Variants in CEMIP observed in about 807,000 individuals in gnomAD.
CEMIP encodes the protein cell migration inducing hyaluronidase 1.
In CEMIP, 105 loss-of-function variants were observed where a neutral mutation model predicts 156.9. The observed-to-expected ratio is 0.67, with a 90% CI of 0.57 to 0.79. The LOEUF (loss-of-function observed/expected upper bound fraction) is 0.79. Among genes scored for constraint, CEMIP ranks in the 30% least tolerant of loss-of-function variants. CEMIP has a pLI of 0.00. For synonymous variants in CEMIP, 676 were observed against 668.4 expected, an observed-to-expected ratio of 1.01 and a Z score of -0.17; for missense variants, 1,457 against 1,769.4, an observed-to-expected ratio of 0.82 and a Z score of 3.17.
chr15:80,873,221 AAGG>A (rs989969476), intron 1 of CEMIP, among the ~76,000 whole-genome samples: 1 of 152,216 alleles, frequency 6.6e-6, no homozygotes, highest in Non-Finnish European at 1.5e-5. Flanking sequence ...GTTACCGAGG[AAGG>A]AGAAGAAAAT....
At chr15:80,810,414 C>T (rs555016792) in intron 1 of CEMIP, among the ~76,000 whole-genome samples, 2 of 152,332 alleles carry the variant, frequency 1.3e-5, no homozygotes, top group South Asian at 2.1e-4. Context: ...GTCACCCAGG[C>T]TGGAGTGCAG....
At chr15:80,784,119 GA>G (rs1895866549) in intron 1 of CEMIP, among the ~76,000 whole-genome samples, 1 of 152,100 alleles carries the variant, frequency 6.6e-6, no homozygotes, top group Non-Finnish European at 1.5e-5. Flanking sequence ...GGATATCTTT[GA>G]GTCTTCTGGA....
intron 1 of CEMIP, among the ~76,000 whole-genome samples, chr15:80,868,192 T>C (rs1487875466): frequency 6.6e-6 from 1 of 152,132 alleles, no homozygotes; most frequent in East Asian, 1.9e-4. Flanking sequence ...TAGAAGCTTC[T>C]CTGACCACCA....
intron 12 of CEMIP, among the ~76,000 whole-genome samples, chr15:80,904,935 C>T (rs993917940): frequency 6.6e-6 from 1 of 152,090 alleles, no homozygotes. Context: ...TCAAATTTGC[C>T]CTGCGTCAAT....
At chr15:80,820,712 C>T (rs1442689839) in intron 1 of CEMIP, among the ~76,000 whole-genome samples, 1 of 152,232 alleles carries the variant, frequency 6.6e-6, no homozygotes, top group African/African-American at 2.4e-5. Flanking sequence ...ACAGTGAGAA[C>T]TAGGTAACTG....
intron 1 of CEMIP, among the ~76,000 whole-genome samples, chr15:80,816,876 G>C (rs1453921933): frequency 6.6e-6 from 1 of 152,136 alleles, no homozygotes; most frequent in Non-Finnish European, 1.5e-5. Flanking sequence ...GTTACTCTAG[G>C]AGAGTAACTG....
At position 80,949,060 on chromosome 15, in the gene CEMIP, C is replaced by A; in HGVS notation, c.*136C>A. Reference sequence around the variant, plus strand: ...AGGCCGTGTTTCAGCCCTGATGGGCCAAGGGAAGGCTATCAGAGACCCTGG... The same window carrying A: ...AGGCCGTGTTTCAGCCCTGATGGGCAAAGGGAAGGCTATCAGAGACCCTGG... On this transcript the variant is annotated 3_prime_UTR_variant, in exon 30 of 30. Coordinates refer to ENST00000394685, the MANE Select transcript of CEMIP (RefSeq NM_001293298.2). The A allele has an allele frequency of 1.7e-6, 2 of 1,168,368 alleles. No individual in the cohort carries two copies. The highest frequency in any genetic ancestry group is 2.5e-6 in the Non-Finnish European group (2 of 789,186). The allele number at this position is 1,168,368 out of a possible 1,614,324, so 72.4% of individuals were successfully genotyped here. A position where few individuals can be genotyped will look rare whatever the true frequency, so the allele number is the denominator to read the frequency against.
chr15:80,797,108 G>A (rs373111716), intron 1 of CEMIP, among the ~76,000 whole-genome samples: 3 of 152,158 alleles, frequency 2.0e-5, no homozygotes, highest in African/African-American at 7.2e-5. Context: ...GGAAAGGTTC[G>A]TGTGACACTT....
chr15:80,818,350 C>T (rs10220779), intron 1 of CEMIP, among the ~76,000 whole-genome samples: 8,871 of 152,196 alleles, frequency 0.058, 824 homozygotes, highest in African/African-American at 0.2. Flanking sequence ...CATGTATCAT[C>T]GGCCAAACCA....
intron 1 of CEMIP, among the ~76,000 whole-genome samples, chr15:80,786,466 T>C (rs1171439351): frequency 6.6e-6 from 1 of 152,086 alleles, no homozygotes; most frequent in African/African-American, 2.4e-5. Context: ...GCCCAAGATA[T>C]CTGCCCACCA....
chr15:80,933,335 G>A lies in CEMIP; in HGVS notation c.2884G>A (p.Asp962Asn), dbSNP rs968996807. The change falls in exon 23 of 30, where the codon GAC (aspartate) becomes AAC (asparagine). Residue 962 changes from aspartate (D) to asparagine (N), a missense_variant. Coordinates refer to ENST00000394685, the MANE Select transcript of CEMIP (RefSeq NM_001293298.2). ...TAAGACATCTGTGTTCCATGACGTCGACGGCTCCGTGTCCGAGTACCCTGG... is the reference window on the plus strand; with the variant it reads ...TAAGACATCTGTGTTCCATGACGTCAACGGCTCCGTGTCCGAGTACCCTGG... ...GDKTSVFHDVDGSVSEYPGSY... is the reference protein window; with the variant it reads ...GDKTSVFHDVNGSVSEYPGSY... 10 of 1,614,142 alleles carry A rather than the reference G, an allele frequency of 6.2e-6. No homozygotes were observed. Among genetic ancestry groups the A allele is most frequent in the Non-Finnish European group, 7.6e-6 (9 of 1,180,022 alleles).
At chr15:80,831,735 G>T (rs1017218908) in intron 1 of CEMIP, among the ~76,000 whole-genome samples, 1 of 152,302 alleles carries the variant, frequency 6.6e-6, no homozygotes, top group South Asian at 2.1e-4. Context: ...TGTCCAGAGG[G>T]GTTCATGCTG....
chr15:80,947,025 G>T lies in CEMIP; in HGVS notation c.3918G>T (p.Val1306=). 1.2e-6 allele frequency: 2 copies of T among 1,614,120 alleles called. No homozygotes were observed. Among genetic ancestry groups the T allele is most frequent in the African/African-American group, 2.7e-5 (2 of 75,044 alleles). Residue 1306 remains valine, a synonymous_variant, in exon 29 of 30, where the codon GTG becomes GTT. Coordinates refer to ENST00000394685, the MANE Select transcript of CEMIP (RefSeq NM_001293298.2). ...RYVSRGPWTR[V]LEKLGADRGL... ...TCTCCAGAGGCCCATGGACCAGAGT[G>T]CTGGAAAAGCTTGGGGCAGACAGGG... is the stretch of plus-strand genomic sequence containing the variant.
At chr15:80,924,140 A>G (rs1567103376) in intron 17 of CEMIP, among the ~76,000 whole-genome samples, 2 of 152,250 alleles carry the variant, frequency 1.3e-5, no homozygotes, top group African/African-American at 4.8e-5. Flanking sequence ...CAAGAAAGCC[A>G]GATTCTCTCT....
At chr15:80,814,150 G>A (rs188560774) in intron 1 of CEMIP, among the ~76,000 whole-genome samples, 7 of 143,288 alleles carry the variant, frequency 4.9e-5, no homozygotes, top group East Asian at 4.4e-4. Context: ...TCGGGTTCAC[G>A]CCATTCTCCT....
At chr15:80,909,359 C>A in intron 14 of CEMIP, 53 bp downstream of exon 14, 1 of 1,561,406 alleles carries the variant, frequency 6.4e-7, no homozygotes, top group Non-Finnish European at 8.8e-7. Context: ...GGATGGTTAG[C>A]ACTGGAGGGG....
At chr15:80,865,663 T>TC (rs2141780980) in intron 1 of CEMIP, among the ~76,000 whole-genome samples, 1 of 151,858 alleles carries the variant, frequency 6.6e-6, no homozygotes, top group African/African-American at 2.4e-5. Context: ...TTTTTTTTTT[T>TC]TTTTTATAGC....
intron 16 of CEMIP, 103 bp from the exon 17 acceptor site, chr15:80,921,906 G>A: frequency 6.7e-7 from 1 of 1,483,226 alleles, no homozygotes; most frequent in Admixed American, 1.7e-5. Context: ...GGTGACGGCA[G>A]TAGCTACTAG....
At chr15:80,821,039 GAAGGCAGTAGTTGGA>G (rs534022575) in intron 1 of CEMIP, among the ~76,000 whole-genome samples, 5 of 152,332 alleles carry the variant, frequency 3.3e-5, no homozygotes, top group Admixed American at 3.3e-4. Flanking sequence ...AAACCTTTGA[GAAGGCAGTAGTTGGA>G]AAGGAACTGT....
Sources: allele counts gnomAD v4.1 joint callset (sites outside exome capture counted in the v4.1 genomes callset), GRCh38; gene constraint gnomAD v4.1.1; transcripts MANE v1.5; gene names NCBI Gene and HGNC (gene_info 2026-07-23, HGNC 2026-07-21).